Variants in DLGAP1 observed in about 807,000 individuals in gnomAD.
The protein encoded by DLGAP1 is DLG associated protein 1, also known as disks large-associated protein 1.
In DLGAP1, 11 loss-of-function variants were observed where a neutral mutation model predicts 90.8. That is an observed-to-expected ratio of 0.12 (90% confidence interval 0.08 to 0.20). DLGAP1 has a LOEUF of 0.20. Among genes scored for constraint, DLGAP1 ranks in the 10% least tolerant of loss-of-function variants. DLGAP1 has a pLI of 1.00. For synonymous variants in DLGAP1, 558 were observed against 540.7 expected, an observed-to-expected ratio of 1.03 and a Z score of -0.44; for missense variants, 1,050 against 1,333.8, an observed-to-expected ratio of 0.79 and a Z score of 3.31.
intron 2 of DLGAP1, among the ~76,000 whole-genome samples, chr18:4,005,850 T>C (rs2074290930): frequency 2.0e-5 from 3 of 152,194 alleles, no homozygotes; most frequent in Admixed American, 2.0e-4. Flanking sequence ...ATCAAATGTA[T>C]TGGTAATTTT....
intron 1 of DLGAP1, among the ~76,000 whole-genome samples, chr18:4,343,553 G>A (rs1200039903): frequency 2.0e-5 from 3 of 151,974 alleles, no homozygotes; most frequent in Non-Finnish European, 4.4e-5. Flanking sequence ...ATAAAGTTTG[G>A]CATATGGTGA....
chr18:4,136,576 T>A (rs1488988059), intron 2 of DLGAP1, among the ~76,000 whole-genome samples: 3 of 152,228 alleles, frequency 2.0e-5, no homozygotes, highest in Non-Finnish European at 4.4e-5. Context: ...TGCATATTTT[T>A]AAATTGCATT....
intron 2 of DLGAP1, among the ~76,000 whole-genome samples, chr18:4,034,037 C>CA: frequency 9.0e-6 from 1 of 111,216 alleles, no homozygotes; most frequent in South Asian, 3.6e-4. Context: ...GCGCCCGGCC[C>CA]TTTTTTTTTT....
rs2071094343 is a variant in DLGAP1 at position 3,879,563 on chromosome 18, C to A, written c.506G>T (p.Ser169Ile). Reference protein sequence around the residue: ...SKGSVNGGKASPDEAQAARYG... With the variant: ...SKGSVNGGKAIPDEAQAARYG... ...GCGCGCCGCCTGCGCCTCGTCAGGG[C>A]TGGCCTTGCCCCCGTTGACGCTGCC... Residue 169 changes from serine to isoleucine, a missense_variant, in exon 4 of 13, where the codon AGC becomes ATC. By Grantham distance (142) the Ser-to-Ile change is moderately radical. Transcript: ENST00000315677. The surrounding 1 kb of genome is among the most constrained non-coding windows in gnomAD (Gnocchi z 6.6). The A allele has an allele frequency of 3.1e-6, 5 of 1,598,910 alleles. No individual in the cohort carries two copies. The highest frequency in any genetic ancestry group is 2.7e-5 in the African/African-American group (2 of 74,842).
At chr18:4,371,409 T>C (rs1272583962) in intron 1 of DLGAP1, among the ~76,000 whole-genome samples, 2 of 152,238 alleles carry the variant, frequency 1.3e-5, no homozygotes, top group Non-Finnish European at 2.9e-5. Context: ...TTGCATTTTG[T>C]TTGCTTTCCA....
rs140592175 is a variant in DLGAP1 at position 3,929,199 on chromosome 18, C to G, written c.-72-49059G>C. Among the ~76,000 whole-genome samples the G allele has an allele frequency of 1.5e-3, 225 of 152,274 alleles. 2 individuals carry two copies. The highest frequency in any genetic ancestry group is 5.2e-3 in the African/African-American group (218 of 41,558). On this transcript the variant is annotated intron_variant, in intron 3 of 12. Transcript: ENST00000315677. ...AATAGACTAATACAGTCACCTTTTT[C>G]TGTAATTTCATTTTTAGATAGAAGA...
intron 1 of DLGAP1, among the ~76,000 whole-genome samples, chr18:4,258,827 T>C (rs1444974689): frequency 1.3e-5 from 2 of 151,892 alleles, no homozygotes; most frequent in Middle Eastern, 3.4e-3. Flanking sequence ...CTTTTCCTAC[T>C]CTTTGGTCAT....
At chr18:4,055,004 T>TG (rs1373468423) in intron 2 of DLGAP1, among the ~76,000 whole-genome samples, 1 of 152,192 alleles carries the variant, frequency 6.6e-6, no homozygotes, top group East Asian at 1.9e-4. Flanking sequence ...TTGCGTGCTT[T>TG]GGGAGCAGAA....
In DLGAP1 at chr18:4,166,096, T is replaced by C. The variant is rs142831404; in HGVS notation, c.-266-14809A>G. On this transcript the variant is annotated intron_variant, in intron 1 of 12. Coordinates refer to ENST00000315677, the MANE Select transcript of DLGAP1 (RefSeq NM_004746.4). ...ATCACTTGAGTTCAGGAATTTGAGGTTGCAGTGAGCTATGATCATGCCACT... is the reference window on the plus strand; with the variant it reads ...ATCACTTGAGTTCAGGAATTTGAGGCTGCAGTGAGCTATGATCATGCCACT... Among the ~76,000 whole-genome samples, 178 of 152,076 alleles carry C rather than the reference T, an allele frequency of 1.2e-3. 4 individuals are homozygous for C. In the East Asian group the frequency reaches 0.03, roughly 26 times the overall value.
chr18:3,561,690 G>A (rs530584571), intron 9 of DLGAP1, among the ~76,000 whole-genome samples: 1 of 150,706 alleles, frequency 6.6e-6, no homozygotes, highest in East Asian at 1.9e-4. Flanking sequence ...ATTTCACTCT[G>A]TTCTTGCATG....
At chr18:3,781,599 C>T (rs373177890) in intron 5 of DLGAP1, among the ~76,000 whole-genome samples, 4 of 151,930 alleles carry the variant, frequency 2.6e-5, no homozygotes, top group South Asian at 2.1e-4. Context: ...GTGATCTGCC[C>T]GTCTCAGCCT....
At chr18:3,528,097 T>C (rs946554470) in intron 10 of DLGAP1, among the ~76,000 whole-genome samples, 2 of 152,192 alleles carry the variant, frequency 1.3e-5, no homozygotes, top group Admixed American at 1.3e-4. Context: ...TCATGATGAC[T>C]TCAAGACCAG....
chr18:3,671,184 C>CT (rs11311056), intron 7 of DLGAP1, among the ~76,000 whole-genome samples: 253 of 143,468 alleles, frequency 1.8e-3, no homozygotes, highest in South Asian at 9.1e-3. Flanking sequence ...CTCTTTGCTG[C>CT]TTTTTTTTTT....
chr18:4,408,636 T>A (rs1687931991), intron 1 of DLGAP1, among the ~76,000 whole-genome samples: 1 of 151,930 alleles, frequency 6.6e-6, no homozygotes, highest in South Asian at 2.1e-4. Context: ...ACAAACCAAT[T>A]AAGAATGAAC....
At chr18:3,816,443 G>C (rs1820533908) in intron 4 of DLGAP1, among the ~76,000 whole-genome samples, 1 of 152,118 alleles carries the variant, frequency 6.6e-6, no homozygotes, top group Non-Finnish European at 1.5e-5. Flanking sequence ...TAATTCACCT[G>C]TATAACTGGA....
chr18:4,327,099 TACAAA>T (rs2080836690), intron 1 of DLGAP1, among the ~76,000 whole-genome samples: 1 of 38,228 alleles, frequency 2.6e-5, no homozygotes, highest in African/African-American at 2.5e-4. Context: ...AATACAAATT[TACAAA>T]TTTTCGATTA....
intron 1 of DLGAP1, among the ~76,000 whole-genome samples, chr18:4,364,414 A>G (rs1315481074): frequency 6.6e-6 from 1 of 152,100 alleles, no homozygotes; most frequent in Non-Finnish European, 1.5e-5. Context: ...AATAATAATA[A>G]AGTAATAAAA....
At chr18:3,867,619 T>C (rs1423541880) in intron 4 of DLGAP1, among the ~76,000 whole-genome samples, 1 of 152,124 alleles carries the variant, frequency 6.6e-6, no homozygotes. Context: ...CTGGGGGCTC[T>C]GTGATGTGGA....
At chr18:3,650,648 C>T (rs1244141972) in intron 7 of DLGAP1, among the ~76,000 whole-genome samples, 1 of 152,134 alleles carries the variant, frequency 6.6e-6, no homozygotes, top group African/African-American at 2.4e-5. Context: ...TATAATATTC[C>T]ATTTAGTATT....
Sources: allele counts gnomAD v4.1 joint callset (sites outside exome capture counted in the v4.1 genomes callset), GRCh38; gene constraint gnomAD v4.1.1; non-coding constraint Gnocchi (gnomAD v3.1); transcripts MANE v1.5; gene names NCBI Gene and HGNC (gene_info 2026-07-23, HGNC 2026-07-21).